The following KIF3A variants were observed in gnomAD, a reference collection of about 807,000 sequenced individuals.
KIF3A encodes kinesin family member 3A.
In KIF3A, 27 loss-of-function variants were observed where a neutral mutation model predicts 92.6. The ratio of observed to expected loss-of-function variants is 0.29; its 90% confidence interval spans 0.21 to 0.40. KIF3A has a LOEUF of 0.40. KIF3A is among the 10% of genes least tolerant of loss of function. The probability of loss-of-function intolerance (pLI) is 1.00; values close to 1 mark genes in which losing one functional copy is unlikely to be tolerated. For synonymous variants in KIF3A, 250 were observed against 275.4 expected (o/e 0.91, Z 0.92); for missense variants, 581 against 872.6 (o/e 0.67, Z 4.21).
chr5:132,703,481 T>C lies in KIF3A; in HGVS notation c.1448A>G (p.Lys483Arg), dbSNP rs1392717500. ...TACTCACTGGGCTTTAAGAAGATCT[T>C]TTTCCCGTTTCTCTAATTCAGCTCT... ...KARAELEKREKDLLKAQQEHQ... is the reference protein window; with the variant it reads ...KARAELEKRERDLLKAQQEHQ... The change falls in exon 12 of 19, where the codon AAA (lysine) becomes AGA (arginine). Residue 483 changes from lysine (K) to arginine (R), a missense_variant. Lys to Arg is a conservative substitution (Grantham distance 26, BLOSUM62 2). Around this residue, in one of 5 missense-constraint regions of KIF3A, gnomAD observed 167 missense variants for 205.8 expected, o/e 0.81. Transcript: ENST00000403231. 6.2e-7 allele frequency: 1 copy of C among 1,610,200 alleles called. No homozygotes were observed. The highest frequency in any genetic ancestry group is 1.7e-5 in the Admixed American group (1 of 59,526).
rs567802528 is a variant in KIF3A, at chr5:132,696,396, A to G, written c.*238T>C. 29 of 437,500 alleles carry G rather than the reference A, an allele frequency of 6.6e-5. No homozygotes were observed. Among genetic ancestry groups the G allele is most frequent in the Non-Finnish European group, 1.2e-4 (29 of 242,366 alleles). 27.1% of individuals were successfully genotyped at this position (437,500 alleles called of 1,614,324 possible). ...AACTGTTCCCCCAACTTCCCTGCACAGTACAATTGAAGAGTAGTAGTACAA... is the reference window on the plus strand; with the variant it reads ...AACTGTTCCCCCAACTTCCCTGCACGGTACAATTGAAGAGTAGTAGTACAA... On this transcript the variant is annotated 3_prime_UTR_variant, in exon 19 of 19. Coordinates refer to ENST00000403231, the MANE Select transcript of KIF3A (RefSeq NM_001300791.2).
intron 16 of KIF3A, 26 bp from the exon 17 acceptor site, chr5:132,700,310 G>C: frequency 7.2e-7 from 1 of 1,387,574 alleles, no homozygotes; most frequent in Non-Finnish European, 1.0e-6. Context: ...GGGAGAGACA[G>C]AGAAATGTCT....
intron 2 of KIF3A, among the ~76,000 whole-genome samples, chr5:132,730,862 T>C (rs771680054): frequency 6.6e-6 from 1 of 152,022 alleles, no homozygotes; most frequent in African/African-American, 2.4e-5. Flanking sequence ...CCTCAGCTAC[T>C]GGGGAGGCTG....
chr5:132,689,028 T>C (rs1325003390), downstream of KIF3A, among the ~76,000 whole-genome samples: 2 of 152,194 alleles, frequency 1.3e-5, no homozygotes, highest in East Asian at 1.9e-4. Context: ...TCTGATAACG[T>C]TGATAAAAGT....
intron 4 of KIF3A, among the ~76,000 whole-genome samples, chr5:132,725,360 T>C (rs1213999980): frequency 6.6e-6 from 1 of 152,184 alleles, no homozygotes; most frequent in Non-Finnish European, 1.5e-5. Flanking sequence ...AAAGCTAATA[T>C]TTATTATGTC....
At chr5:132,724,575 T>C (rs941567796) in intron 4 of KIF3A, among the ~76,000 whole-genome samples, 1 of 151,612 alleles carries the variant, frequency 6.6e-6, no homozygotes, top group African/African-American at 2.4e-5. Flanking sequence ...TTCTCACTTA[T>C]AGGTGAGAAC....
intron 4 of KIF3A, among the ~76,000 whole-genome samples, chr5:132,724,483 G>C (rs1407717731): frequency 6.6e-6 from 1 of 152,038 alleles, no homozygotes; most frequent in Non-Finnish European, 1.5e-5. Context: ...ATGAGTTCAT[G>C]TCCTTTGTAG....
Position 132,702,627 on chromosome 5 carries a change from T to C in KIF3A, c.1689A>G (p.Gln563=), listed in dbSNP as rs1193796435. The C allele has an allele frequency of 6.2e-7, 1 of 1,613,186 alleles. No homozygotes were observed. Among genetic ancestry groups the C allele is most frequent in the African/African-American group, 1.3e-5 (1 of 74,916 alleles). ...TCTTGGTCTTTCCCTGTGCTTCCTC[T>C]TGCAAACTGGTATATTTTTCTTCAA... ...LDIEEKYTSL[Q]EEAQGKTKKL... The change falls in exon 14 of 19, where the codon CAA becomes CAG. Residue 563 remains glutamine, a synonymous_variant. Transcript: ENST00000403231.
chr5:132,737,507 C>T lies in KIF3A; in HGVS notation c.-88G>A. ...GCGCAGAAAGGATGGCCAGAGACTA[C>T]CGAAACACCTCGTTGACGCTCTCGA... On this transcript the variant is annotated 5_prime_UTR_variant, in exon 1 of 19. Transcript: ENST00000403231. 1 of 1,480,788 alleles carries T rather than the reference C, an allele frequency of 6.8e-7. No individual in the cohort carries two copies. The highest frequency in any genetic ancestry group is 9.3e-7 in the Non-Finnish European group (1 of 1,079,400). 91.7% of individuals were successfully genotyped at this position (1,480,788 alleles called of 1,614,324 possible). A position where few individuals can be genotyped will look rare whatever the true frequency, so the allele number is the denominator to read the frequency against.
intron 15 of KIF3A, among the ~76,000 whole-genome samples, 181 bp downstream of exon 15, chr5:132,701,906 G>A (rs567101883): frequency 6.6e-5 from 10 of 152,320 alleles, no homozygotes; most frequent in Non-Finnish European, 1.3e-4. Flanking sequence ...TAAAAGGCTA[G>A]ATACTCAAAC....
chr5:132,710,644 A>C (rs1388791181), intron 9 of KIF3A, among the ~76,000 whole-genome samples: 4 of 152,168 alleles, frequency 2.6e-5, no homozygotes, highest in Non-Finnish European at 4.4e-5. Flanking sequence ...AACAAACAAA[A>C]AAACTTAGGT....
At chr5:132,719,755 T>G (rs1561704631) in intron 5 of KIF3A, among the ~76,000 whole-genome samples, 1 of 152,122 alleles carries the variant, frequency 6.6e-6, no homozygotes. Context: ...GTGCTGGGAT[T>G]ACAGGTGTGA....
intron 4 of KIF3A, chr5:132,721,544 C>T: frequency 6.6e-6 from 1 of 152,264 alleles, no homozygotes; most frequent in Admixed American, 6.5e-5. Context: ...ATCTGATAAA[C>T]AATTCCAGGG....
At chr5:132,718,232 A>G (rs987617071) in intron 5 of KIF3A, among the ~76,000 whole-genome samples, 7 of 152,334 alleles carry the variant, frequency 4.6e-5, no homozygotes, top group Admixed American at 2.6e-4. Context: ...CTGTTCTACA[A>G]TTTGCTTTTA....
intron 1 of KIF3A, 132 bp downstream of exon 1, chr5:132,737,282 C>G (rs1464328207): frequency 1.6e-5 from 16 of 1,019,374 alleles, no homozygotes; most frequent in African/African-American, 1.4e-4. Context: ...CAACCACCTC[C>G]ACCGCACGAC....
chr5:132,731,095 C>G (rs1325298260), intron 2 of KIF3A, among the ~76,000 whole-genome samples: 1 of 152,162 alleles, frequency 6.6e-6, no homozygotes, highest in East Asian at 1.9e-4. Context: ...ATGAATTCTA[C>G]CAAACATTTA....
chr5:132,697,864 C>A (rs1405839847), intron 18 of KIF3A: 1 of 152,152 alleles, frequency 6.6e-6, no homozygotes, highest in South Asian at 2.1e-4. Flanking sequence ...CTCACCACTG[C>A]CAATTTTTCT....
intron 17 of KIF3A, 22 bp downstream of exon 17, chr5:132,700,192 TTG>T: frequency 2.9e-6 from 4 of 1,367,280 alleles, no homozygotes; most frequent in South Asian, 2.5e-5. Flanking sequence ...GTGTTTTGTT[TTG>T]TTTTTTTTTA....
At chr5:132,691,450 G>C (rs1213739345), downstream of KIF3A, among the ~76,000 whole-genome samples, 1 of 151,882 alleles carries the variant, frequency 6.6e-6, no homozygotes, top group Non-Finnish European at 1.5e-5. Flanking sequence ...TGAAGGCTGA[G>C]GCAGGAGAAT....
Sources: gnomAD v4.1 joint callset for allele counts (sites outside exome capture counted in the v4.1 genomes callset) on GRCh38, gnomAD v4.1.1 for gene constraint, gnomAD v4.1.1 regional missense constraint, MANE v1.5 for transcripts, NCBI Gene and HGNC (gene_info 2026-07-23, HGNC 2026-07-21) for gene names.